The following ADGRL3 variants were observed in gnomAD, a reference collection of about 807,000 sequenced individuals.
ADGRL3 encodes adhesion G protein-coupled receptor L3.
Under a neutral mutation model 153.5 loss-of-function variants are expected in ADGRL3, and 62 were observed. The ratio of observed to expected loss-of-function variants is 0.40; its 90% CI spans 0.33 to 0.50. The LOEUF (loss-of-function observed/expected upper bound fraction) is 0.50. ADGRL3 is among the 20% of genes least tolerant of loss of function. The pLI, the probability that ADGRL3 is intolerant of heterozygous loss-of-function variation, is 0.47. For synonymous variants in ADGRL3, 710 were observed against 672.5 expected, an observed-to-expected ratio of 1.06 and a Z score of -0.86; for missense variants, 1,641 against 1,859.4, an observed-to-expected ratio of 0.88 and a Z score of 2.16.
chr4:61,616,211 A>G (rs1217445723), intron 5 of ADGRL3, among the ~76,000 whole-genome samples: 1 of 152,174 alleles, frequency 6.6e-6, no homozygotes, highest in Non-Finnish European at 1.5e-5. Flanking sequence ...GCTATGACTT[A>G]GGGATATGTT....
At chr4:61,933,540 A>C (rs1448394623) in intron 13 of ADGRL3, among the ~76,000 whole-genome samples, 1 of 152,210 alleles carries the variant, frequency 6.6e-6, no homozygotes, top group Non-Finnish European at 1.5e-5. Flanking sequence ...AATCCAAAGC[A>C]TGCAAGTTGT....
chr4:61,262,026 C>CT (rs2092558827), intron 1 of ADGRL3, among the ~76,000 whole-genome samples: 1 of 151,894 alleles, frequency 6.6e-6, no homozygotes, highest in South Asian at 2.1e-4. Flanking sequence ...CAAGGAAGGG[C>CT]TTAGTAAACT....
intron 5 of ADGRL3, among the ~76,000 whole-genome samples, chr4:61,661,809 A>G (rs2094602615): frequency 6.6e-6 from 1 of 152,192 alleles, no homozygotes; most frequent in Non-Finnish European, 1.5e-5. Context: ...AAAATGAGCA[A>G]TCTTATTTGG....
chr4:61,494,063 ATTTAC>A (rs2098285244), intron 2 of ADGRL3, among the ~76,000 whole-genome samples: 1 of 146,798 alleles, frequency 6.8e-6, no homozygotes. Flanking sequence ...TTGTGACTTC[ATTTAC>A]TTTACTGTGT....
chr4:61,323,716 CA>C (rs2095411072), intron 1 of ADGRL3, among the ~76,000 whole-genome samples: 1 of 152,178 alleles, frequency 6.6e-6, no homozygotes. Flanking sequence ...GCATTTTTGT[CA>C]AAGCCATTCA....
intron 1 of ADGRL3, among the ~76,000 whole-genome samples, chr4:61,235,230 C>T (rs1752373560): frequency 6.6e-6 from 1 of 152,060 alleles, no homozygotes; most frequent in African/African-American, 2.4e-5. Context: ...ACAATTTGTA[C>T]TCAGTAGATA....
At chr4:62,010,823 A>G (rs1314076491) in intron 21 of ADGRL3, among the ~76,000 whole-genome samples, 2 of 152,098 alleles carry the variant, frequency 1.3e-5, no homozygotes, top group African/African-American at 4.8e-5. Flanking sequence ...GAATCCAGTT[A>G]TGATTCAGGG....
intron 1 of ADGRL3, among the ~76,000 whole-genome samples, chr4:61,337,882 C>G (rs1287215946): frequency 6.6e-6 from 1 of 152,142 alleles, no homozygotes; most frequent in Admixed American, 6.5e-5. Flanking sequence ...CACATACTCT[C>G]TCTCTCTCTA....
chr4:62,017,558 T>C (rs2099218280), intron 21 of ADGRL3, among the ~76,000 whole-genome samples: 1 of 152,086 alleles, frequency 6.6e-6, no homozygotes, highest in African/African-American at 2.4e-5. Flanking sequence ...CATTTTGTTA[T>C]TTAATAGCTT....
rs1490257715 is a variant in ADGRL3 at position 62,070,525 on chromosome 4, C to A, written c.4249C>A (p.His1417Asn). The A allele has an allele frequency of 3.9e-6, 6 of 1,551,260 alleles. No homozygotes were observed. Among genetic ancestry groups the A allele is most frequent in the Non-Finnish European group, 5.2e-6 (6 of 1,146,918 alleles). The part of the protein sequence containing the change: ...RVYSTENHQP[H>N]HYTRRRIPQD... ...ATACTCCACCGAGAACCACCAGCCACACCATTATACCAGAAGGCGGATCCC... is the reference window on the plus strand; with the variant it reads ...ATACTCCACCGAGAACCACCAGCCAAACCATTATACCAGAAGGCGGATCCC... Residue 1417 changes from histidine to asparagine, a missense_variant, in exon 27 of 27, where the codon CAC becomes AAC. This residue lies in a region of ADGRL3 where 517 missense variants were observed against 555.0 expected (regional missense o/e 0.93). Coordinates refer to ENST00000683033, the MANE Select transcript of ADGRL3 (RefSeq NM_001387552.1).
intron 1 of ADGRL3, among the ~76,000 whole-genome samples, chr4:61,242,874 T>C (rs974771209): frequency 4.6e-5 from 7 of 152,128 alleles, no homozygotes; most frequent in Non-Finnish European, 8.8e-5. Flanking sequence ...AATTCTATAG[T>C]TTATTTTAAA....
intron 1 of ADGRL3, among the ~76,000 whole-genome samples, chr4:61,355,042 C>A (rs1341324802): frequency 6.6e-6 from 1 of 151,980 alleles, no homozygotes; most frequent in Admixed American, 6.6e-5. Context: ...ATACAAAGAC[C>A]AGGTTTATTT....
chr4:61,865,125 A>C (rs2098387255), intron 9 of ADGRL3, among the ~76,000 whole-genome samples: 1 of 152,146 alleles, frequency 6.6e-6, no homozygotes. Flanking sequence ...CTACGAAATA[A>C]AATTTTGGTC....
intron 25 of ADGRL3, among the ~76,000 whole-genome samples, chr4:62,052,481 A>G (rs913727509): frequency 4.0e-5 from 6 of 151,468 alleles, no homozygotes; most frequent in Admixed American, 6.6e-5. Context: ...GCTTGAAAAA[A>G]CTGAATATAT....
At chr4:61,755,746 G>A (rs1411918823) in intron 8 of ADGRL3, among the ~76,000 whole-genome samples, 1 of 152,060 alleles carries the variant, frequency 6.6e-6, no homozygotes, top group Non-Finnish European at 1.5e-5. Flanking sequence ...GTTTTTTATG[G>A]TTTCAGGTCT....
intron 1 of ADGRL3, among the ~76,000 whole-genome samples, chr4:61,289,215 G>T (rs2094070632): frequency 6.6e-6 from 1 of 151,722 alleles, no homozygotes; most frequent in Admixed American, 6.6e-5. Flanking sequence ...TCCACTCAAG[G>T]TATGTATTCA....
chr4:61,773,876 C>T (rs1056214843), intron 8 of ADGRL3, among the ~76,000 whole-genome samples: 3 of 151,982 alleles, frequency 2.0e-5, no homozygotes, highest in South Asian at 4.2e-4. Flanking sequence ...AGTGGCAAGA[C>T]AAAGGAAAAG....
At chr4:61,681,443 A>G (rs1377748733) in intron 6 of ADGRL3, among the ~76,000 whole-genome samples, 1 of 151,930 alleles carries the variant, frequency 6.6e-6, no homozygotes, top group Non-Finnish European at 1.5e-5. Context: ...ATCTTCTCTC[A>G]TGGTGAATTT....
intron 1 of ADGRL3, among the ~76,000 whole-genome samples, chr4:61,304,762 C>T (rs1404119153): frequency 6.6e-6 from 1 of 152,106 alleles, no homozygotes; most frequent in Non-Finnish European, 1.5e-5. Context: ...TCTTGGGTGT[C>T]TTCTCATTGA....
Sources: gnomAD v4.1 joint callset for allele counts (sites outside exome capture counted in the v4.1 genomes callset) on GRCh38, gnomAD v4.1.1 for gene constraint, gnomAD v4.1.1 regional missense constraint, MANE v1.5 for transcripts, NCBI Gene and HGNC (gene_info 2026-07-23, HGNC 2026-07-21) for gene names.